The following ROBO2 variants were observed in gnomAD, a reference collection of about 807,000 sequenced individuals.
ROBO2 encodes roundabout homolog 2.
ROBO2 carries 53 observed loss-of-function variants against 160.8 expected under a neutral mutation model. The observed-to-expected ratio is 0.33, with a 90% CI of 0.26 to 0.41. ROBO2 has a LOEUF of 0.41. Ranked by LOEUF, ROBO2 falls within the 10% of genes least tolerant of loss-of-function variation. The pLI is 1.00. For missense variants in ROBO2, 1,577 were observed against 1,722.4 expected, an observed-to-expected ratio of 0.92 and a Z score of 1.49; for synonymous variants, 664 against 611.7, an observed-to-expected ratio of 1.09 and a Z score of -1.26.
chr3:76,061,077 A>G (rs2068055627), intron 2 of ROBO2, among the ~76,000 whole-genome samples: 1 of 151,664 alleles, frequency 6.6e-6, no homozygotes, highest in Non-Finnish European at 1.5e-5. Flanking sequence ...TGCCATGTTT[A>G]TTTATGTTAT....
chr3:76,071,728 C>T (rs557174600), intron 2 of ROBO2, among the ~76,000 whole-genome samples: 57 of 151,910 alleles, frequency 3.8e-4, no homozygotes, highest in African/African-American at 1.3e-3. Context: ...TGGAAAACAC[C>T]AGTAGTGATT....
chr3:77,213,096 A>T (rs1016627565), intron 2 of ROBO2, among the ~76,000 whole-genome samples: 8 of 152,048 alleles, frequency 5.3e-5, no homozygotes, highest in African/African-American at 1.7e-4. Flanking sequence ...CTCATAAAAT[A>T]AGTTAGAGAT....
chr3:77,077,116 T>C (rs1364277184), intron 1 of ROBO2, among the ~76,000 whole-genome samples: 1 of 152,206 alleles, frequency 6.6e-6, no homozygotes, highest in Non-Finnish European at 1.5e-5. Flanking sequence ...CTTTCAATTA[T>C]GTTTTGAAAG....
chr3:77,403,517 C>T (rs2075991037), intron 2 of ROBO2, among the ~76,000 whole-genome samples: 1 of 151,594 alleles, frequency 6.6e-6, no homozygotes, highest in South Asian at 2.1e-4. Flanking sequence ...CAGATTCATC[C>T]ATGCTGCCAT....
intron 2 of ROBO2, among the ~76,000 whole-genome samples, chr3:76,590,831 G>T (rs778346008): frequency 6.6e-6 from 1 of 151,978 alleles, no homozygotes; most frequent in Non-Finnish European, 1.5e-5. Flanking sequence ...AAATTATACT[G>T]AAATATAGCT....
At chr3:76,005,220 A>G (rs1216585439) in intron 2 of ROBO2, among the ~76,000 whole-genome samples, 2 of 152,204 alleles carry the variant, frequency 1.3e-5, no homozygotes, top group African/African-American at 2.4e-5. Context: ...ATTGCATTTG[A>G]ATGAATATTA....
intron 2 of ROBO2, among the ~76,000 whole-genome samples, chr3:76,839,647 T>C (rs2068041786): frequency 6.6e-6 from 1 of 152,230 alleles, no homozygotes; most frequent in Non-Finnish European, 1.5e-5. Flanking sequence ...ATATGTTTTG[T>C]CTGGTTATGG....
In ROBO2 at chr3:77,290,986, G is replaced by A. The variant is rs187431890; in HGVS notation, c.389-186428G>A. 1.9e-3 allele frequency among the ~76,000 whole-genome samples: 265 copies of A among 143,048 alleles called. 2 individuals are homozygous for A. The highest frequency in any genetic ancestry group is 6.1e-3 in the African/African-American group (243 of 40,090). 93.8% of individuals were successfully genotyped at this position (143,048 alleles called of 152,430 possible). ...ACTAAAGACATAAAGTAAAATTGAC[G>A]GTTAAACGGGTAAGCTGAGGCTAGA... On this transcript the variant is annotated intron_variant, in intron 2 of 25. Coordinates refer to ENST00000461745, the Ensembl canonical transcript of ROBO2.
intron 2 of ROBO2, among the ~76,000 whole-genome samples, chr3:76,216,964 C>A (rs1703581424): frequency 6.6e-6 from 1 of 152,174 alleles, no homozygotes; most frequent in Non-Finnish European, 1.5e-5. Context: ...AACTATCTCT[C>A]AGACCACAGT....
intron 2 of ROBO2, among the ~76,000 whole-genome samples, chr3:76,707,925 A>G (rs1009373065): frequency 1.4e-4 from 21 of 151,970 alleles, no homozygotes; most frequent in African/African-American, 4.6e-4. Flanking sequence ...CTTGAACTAT[A>G]TATGTGAGCT....
At chr3:76,269,827 T>C (rs969508877) in intron 2 of ROBO2, among the ~76,000 whole-genome samples, 2 of 152,054 alleles carry the variant, frequency 1.3e-5, no homozygotes, top group Admixed American at 6.6e-5. Context: ...GTCCTTCTTA[T>C]ATTTGAAAAT....
chr3:76,197,691 T>C (rs1287145320), intron 2 of ROBO2, among the ~76,000 whole-genome samples: 2 of 152,214 alleles, frequency 1.3e-5, no homozygotes, highest in African/African-American at 2.4e-5. Context: ...GTTACAGTTA[T>C]CTCTGTCCTA....
chr3:77,105,722 T>C (rs1296251937), intron 2 of ROBO2, among the ~76,000 whole-genome samples: 1 of 152,210 alleles, frequency 6.6e-6, no homozygotes, highest in Admixed American at 6.5e-5. Context: ...TCTCAACAAG[T>C]CTCAAGTTGC....
At chr3:76,115,292 A>G (rs2070417798) in intron 2 of ROBO2, among the ~76,000 whole-genome samples, 1 of 152,152 alleles carries the variant, frequency 6.6e-6, no homozygotes, top group South Asian at 2.1e-4. Context: ...TAAAAAATGA[A>G]TGTGGCAACA....
intron 2 of ROBO2, among the ~76,000 whole-genome samples, chr3:76,960,504 A>G (rs2079572541): frequency 6.6e-6 from 1 of 152,158 alleles, no homozygotes; most frequent in East Asian, 1.9e-4. Context: ...TTTAAAATGT[A>G]ATTAAAATGT....
At chr3:76,315,076 T>A (rs2071895201) in intron 2 of ROBO2, among the ~76,000 whole-genome samples, 1 of 151,040 alleles carries the variant, frequency 6.6e-6, no homozygotes, top group African/African-American at 2.5e-5. Flanking sequence ...ACCCCTTGGT[T>A]CAACACAAAC....
chr3:77,509,893 A>G (rs1055187465), intron 5 of ROBO2, among the ~76,000 whole-genome samples: 4 of 152,086 alleles, frequency 2.6e-5, no homozygotes, highest in Admixed American at 6.6e-5. Flanking sequence ...ATCTAGAGGT[A>G]TAAGTAGATA....
chr3:76,004,619 G>A (rs1047770401), intron 2 of ROBO2, among the ~76,000 whole-genome samples: 5 of 152,016 alleles, frequency 3.3e-5, no homozygotes, highest in East Asian at 1.9e-4. Context: ...GGATATCTCC[G>A]GGGTCTCTTA....
At chr3:77,487,219 A>T (rs545540759) in intron 4 of ROBO2, among the ~76,000 whole-genome samples, 1 of 152,212 alleles carries the variant, frequency 6.6e-6, no homozygotes, top group Non-Finnish European at 1.5e-5. Flanking sequence ...TGTTATTAAG[A>T]TTGTTGTCGG....
Sources: allele counts gnomAD v4.1 joint callset (sites outside exome capture counted in the v4.1 genomes callset), GRCh38; gene constraint gnomAD v4.1.1; transcripts MANE v1.5; gene names NCBI Gene and HGNC (gene_info 2026-07-23, HGNC 2026-07-21).